The following AAK1 variants were observed in gnomAD, a reference collection of about 807,000 sequenced individuals.
AAK1 encodes the protein AP2 associated kinase 1, also known as AP2-associated protein kinase 1.
AAK1 carries 37 observed loss-of-function variants against 116.0 expected under a neutral mutation model. That is an observed-to-expected ratio of 0.32 (90% CI 0.25 to 0.42). The LOEUF (loss-of-function observed/expected upper bound fraction) is 0.42. Among genes scored for constraint, AAK1 ranks in the 10% least tolerant of loss-of-function variants. The pLI is 1.00. For missense variants in AAK1, 919 were observed against 1,170.6 expected, an observed-to-expected ratio of 0.79 and a Z score of 3.14; for synonymous variants, 458 against 439.9, an observed-to-expected ratio of 1.04 and a Z score of -0.51.
chr2:69,640,145 C>A (rs1675655259), intron 2 of AAK1, among the ~76,000 whole-genome samples: 1 of 151,128 alleles, frequency 6.6e-6, no homozygotes, highest in African/African-American at 2.4e-5. Flanking sequence ...ATTTATTGAA[C>A]ACCTGAAAAT....
chr2:69,540,121 CTT>C (rs538276702), intron 5 of AAK1, among the ~76,000 whole-genome samples: 8 of 127,782 alleles, frequency 6.3e-5, no homozygotes, highest in Non-Finnish European at 6.6e-5. Context: ...CCCCACTTGC[CTT>C]TTTTTTTTTT....
At chr2:69,495,120 T>C (rs565179799) in intron 17 of AAK1, among the ~76,000 whole-genome samples, 1 of 152,214 alleles carries the variant, frequency 6.6e-6, no homozygotes, top group East Asian at 1.9e-4. Context: ...AAAACAACTG[T>C]CAACTGCTTC....
intron 2 of AAK1, among the ~76,000 whole-genome samples, chr2:69,638,490 C>T (rs200459454): frequency 1.3e-5 from 2 of 152,164 alleles, no homozygotes; most frequent in East Asian, 3.8e-4. Flanking sequence ...ATCAGTCTTT[C>T]AAAAGGCCCA....
intron 5 of AAK1, among the ~76,000 whole-genome samples, chr2:69,540,021 G>T (rs1255887142): frequency 6.6e-6 from 1 of 151,698 alleles, no homozygotes; most frequent in Non-Finnish European, 1.5e-5. Flanking sequence ...TTGAGGGTAG[G>T]AACAATGTTA....
intron 13 of AAK1, among the ~76,000 whole-genome samples, chr2:69,511,987 A>G (rs1676412037): frequency 6.6e-6 from 1 of 152,314 alleles, no homozygotes; most frequent in Middle Eastern, 3.4e-3. Context: ...AAGGGACCTT[A>G]GAAAATGCAG....
Position 69,482,713 on chromosome 2 carries a change from A to G in AAK1, c.2465T>C (p.Ile822Thr). The G allele has an allele frequency of 2.5e-6, 4 of 1,603,862 alleles. No individual in the cohort carries two copies. The highest frequency in any genetic ancestry group is 3.4e-6 in the Non-Finnish European group (4 of 1,170,676). Residue 822 changes from isoleucine to threonine, a missense_variant and splice_region_variant, in exon 18 of 22, where the codon ATT becomes ACT. Ile to Thr is a moderately conservative substitution (Grantham distance 89). Transcript: ENST00000409085. ...AGAAACAGAGATGATGACTTTACCA[A>G]TTACAGCATCAGAAGTGCTACCAAA... ...DPFGSTSDAV[I>T]EKADVAVESL...
intron 2 of AAK1, among the ~76,000 whole-genome samples, chr2:69,623,332 C>T (rs1003059622): frequency 3.9e-5 from 6 of 152,178 alleles, no homozygotes; most frequent in Admixed American, 2.0e-4. Context: ...GGACACATTA[C>T]GACTGCCAAA....
intron 16 of AAK1, among the ~76,000 whole-genome samples, chr2:69,496,375 G>A (rs1203359421): frequency 6.7e-6 from 1 of 149,234 alleles, no homozygotes; most frequent in Non-Finnish European, 1.5e-5. Context: ...CGGTTCAAGC[G>A]ATTCTCCTGC....
intron 4 of AAK1, 50 bp from the exon 5 acceptor site, chr2:69,542,715 G>C: frequency 6.3e-7 from 1 of 1,592,354 alleles, no homozygotes; most frequent in Non-Finnish European, 8.6e-7. Context: ...ATTCGGACTT[G>C]TCATTTAGTC....
chr2:69,611,500 G>C (rs1383293042), intron 2 of AAK1, among the ~76,000 whole-genome samples: 6 of 152,194 alleles, frequency 3.9e-5, no homozygotes, highest in Admixed American at 3.9e-4. Context: ...CTTGGACTGA[G>C]CCACTAATGG....
intron 2 of AAK1, among the ~76,000 whole-genome samples, chr2:69,633,573 C>T (rs1007574759): frequency 6.7e-6 from 1 of 149,948 alleles, no homozygotes; most frequent in African/African-American, 2.5e-5. Context: ...TGTACTCCAG[C>T]CTGGCGACAG....
chr2:69,483,349 T>C (rs1465180065), intron 17 of AAK1, among the ~76,000 whole-genome samples: 1 of 152,194 alleles, frequency 6.6e-6, no homozygotes, highest in Non-Finnish European at 1.5e-5. Flanking sequence ...GTGGTTTCCT[T>C]CCTTTGGCAT....
rs145897124 is a variant in AAK1 at position 69,492,206 on chromosome 2, G to A, written c.2365+3779C>T. On this transcript the variant is annotated intron_variant, in intron 17 of 21. Transcript: ENST00000409085. ...TGAAACGCATGGTCTTCAGGAGACTGAGAGTCCATGAGTCTTTTTTTTTTT... is the reference window on the plus strand; with the variant it reads ...TGAAACGCATGGTCTTCAGGAGACTAAGAGTCCATGAGTCTTTTTTTTTTT... 2.3e-3 allele frequency among the ~76,000 whole-genome samples: 355 copies of A among 152,066 alleles called. 1 individual carries two copies. The highest frequency in any genetic ancestry group is 4.2e-3 in the Non-Finnish European group (287 of 67,992).
At position 69,509,422 on chromosome 2, in the gene AAK1, T is replaced by A; in HGVS notation, c.1815A>T (p.Thr605=). 2 of 1,613,958 alleles carry A rather than the reference T, an allele frequency of 1.2e-6. No homozygotes were observed. Among genetic ancestry groups the A allele is most frequent in the South Asian group, 2.2e-5 (2 of 91,064 alleles). The part of the protein sequence containing the change: ...APVRQQPKVQ[T]TPPPAVQGQK... ...GCCCCTGGACGGCAGGAGGTGGGGTTGTCTGAACCTTTGGCTGTTGTCTTA... is the reference window on the plus strand; with the variant it reads ...GCCCCTGGACGGCAGGAGGTGGGGTAGTCTGAACCTTTGGCTGTTGTCTTA... The change falls in exon 14 of 22, where the codon ACA becomes ACT. Residue 605 remains threonine (T), a synonymous_variant. Transcript: ENST00000409085.
At chr2:69,607,756 T>G (rs1044450042) in intron 2 of AAK1, among the ~76,000 whole-genome samples, 4 of 152,182 alleles carry the variant, frequency 2.6e-5, no homozygotes, top group Non-Finnish European at 5.9e-5. Context: ...ATCAGGCCAG[T>G]GGTTGGATCA....
chr2:69,479,448 G>A (rs1029906262), intron 19 of AAK1, among the ~76,000 whole-genome samples: 1 of 152,152 alleles, frequency 6.6e-6, no homozygotes, highest in Non-Finnish European at 1.5e-5. Flanking sequence ...TCTGTGATTT[G>A]GATGCTGAGC....
intron 2 of AAK1, chr2:69,598,066 T>C: frequency 3.2e-6 from 2 of 616,322 alleles, no homozygotes; most frequent in Non-Finnish European, 4.8e-6. Flanking sequence ...ACCTTCTTTA[T>C]GGTGACATAA....
chr2:69,625,953 G>A (rs1425643659), intron 2 of AAK1, among the ~76,000 whole-genome samples: 1 of 152,018 alleles, frequency 6.6e-6, no homozygotes, highest in Non-Finnish European at 1.5e-5. Context: ...GCATTCAATA[G>A]AAAACAGAAG....
chr2:69,534,521 T>C (rs569555317), intron 5 of AAK1, among the ~76,000 whole-genome samples: 4 of 152,386 alleles, frequency 2.6e-5, no homozygotes, highest in East Asian at 3.9e-4. Context: ...ATTTGTTCGA[T>C]GTCTCCTAAG....
Sources: gnomAD v4.1 joint callset for allele counts (sites outside exome capture counted in the v4.1 genomes callset) on GRCh38, gnomAD v4.1.1 for gene constraint, MANE v1.5 for transcripts, NCBI Gene and HGNC (gene_info 2026-07-23, HGNC 2026-07-21) for gene names.